Variants in ADARB2 observed in about 807,000 individuals in gnomAD.
ADARB2 encodes inactive double-stranded RNA-specific editase B2.
In ADARB2, 25 loss-of-function variants were observed where a neutral mutation model predicts 62.2. That is an observed-to-expected ratio of 0.40 (90% CI 0.29 to 0.56). The LOEUF is 0.56. ADARB2 is among the 20% of genes least tolerant of loss of function. ADARB2 has a pLI of 0.43. For missense variants in ADARB2, 1,071 were observed against 1,077.4 expected, an observed-to-expected ratio of 0.99 and a Z score of 0.08; for synonymous variants, 572 against 500.8, an observed-to-expected ratio of 1.14 and a Z score of -1.90.
intron 1 of ADARB2, among the ~76,000 whole-genome samples, chr10:1,710,744 G>A (rs2119151396): frequency 6.6e-6 from 1 of 152,348 alleles, no homozygotes; most frequent in South Asian, 2.1e-4. Context: ...GGCTCTTGCA[G>A]CCTCTCAGCT....
At chr10:1,695,530 A>G (rs564098937) in intron 1 of ADARB2, among the ~76,000 whole-genome samples, 68 of 152,316 alleles carry the variant, frequency 4.5e-4, no homozygotes, top group African/African-American at 1.5e-3. Context: ...TGAGAGTGCT[A>G]TGGAGATAAA....
intron 3 of ADARB2, among the ~76,000 whole-genome samples, chr10:1,354,874 G>A (rs1056403292): frequency 6.6e-6 from 1 of 152,192 alleles, no homozygotes; most frequent in Non-Finnish European, 1.5e-5. Context: ...GAGGCTGTAG[G>A]CTCTCTGCTT....
At chr10:1,682,491 C>T (rs371028694) in intron 1 of ADARB2, among the ~76,000 whole-genome samples, 28 of 152,308 alleles carry the variant, frequency 1.8e-4, no homozygotes, top group African/African-American at 5.3e-4. Context: ...ACCAGAGACC[C>T]GAAAGGACCA....
intron 4 of ADARB2, among the ~76,000 whole-genome samples, chr10:1,254,243 G>T (rs1365344085): frequency 6.6e-6 from 1 of 152,174 alleles, no homozygotes; most frequent in East Asian, 1.9e-4. Flanking sequence ...GGTTACTGGT[G>T]TAGAACTCCA....
chr10:1,351,282 TCA>T (rs1832135381), intron 3 of ADARB2, among the ~76,000 whole-genome samples: 1 of 152,146 alleles, frequency 6.6e-6, no homozygotes, highest in African/African-American at 2.4e-5. Flanking sequence ...TTCGGGTAAC[TCA>T]CAGTGGAAGG....
chr10:1,634,233 C>T (rs1290369395), intron 1 of ADARB2, among the ~76,000 whole-genome samples: 1 of 152,222 alleles, frequency 6.6e-6, no homozygotes, highest in Non-Finnish European at 1.5e-5. Flanking sequence ...TGGCCCAAGA[C>T]CTAACCCATC....
At chr10:1,390,458 C>T (rs117244370) in intron 1 of ADARB2, among the ~76,000 whole-genome samples, 2,800 of 152,148 alleles carry the variant, frequency 0.018, 38 homozygotes, top group Middle Eastern at 0.037. Flanking sequence ...AATTATACTT[C>T]CATTATTAAA....
chr10:1,290,518 A>T (rs912109034), intron 3 of ADARB2: 2 of 152,406 alleles, frequency 1.3e-5, no homozygotes, highest in East Asian at 3.9e-4. Context: ...GCTTGGAATG[A>T]AATCCCTATC....
intron 1 of ADARB2, among the ~76,000 whole-genome samples, chr10:1,544,030 C>T (rs1166784601): frequency 7.7e-6 from 1 of 129,700 alleles, no homozygotes; most frequent in Non-Finnish European, 1.7e-5. Context: ...AAAAAAAAAA[C>T]ACACAAAATG....
rs1236365405 is a variant in ADARB2, at chr10:1,706,134, T to C, written c.100+30917A>G. ...TGCTTTTATCAGAGAGCAGAGAATG[T>C]ACAGAATCAGCTGTGTGCTCAAATT... is the stretch of plus-strand genomic sequence containing the variant. On this transcript the variant is annotated intron_variant, in intron 1 of 9. Transcript: ENST00000381312. Among the ~76,000 whole-genome samples, 3 of 152,348 alleles carry C rather than the reference T, an allele frequency of 2.0e-5. No individual in the cohort carries two copies. In the East Asian group the frequency reaches 5.8e-4, roughly 29 times the overall value.
intron 8 of ADARB2, among the ~76,000 whole-genome samples, chr10:1,196,433 G>A (rs1449137077): frequency 1.3e-5 from 2 of 151,982 alleles, no homozygotes; most frequent in African/African-American, 4.8e-5. Flanking sequence ...TACATTTAAT[G>A]TATTGACAAT....
rs546651997 is a variant in ADARB2, at chr10:1,464,866, C to T, written c.101-85706G>A. On this transcript the variant is annotated intron_variant, in intron 1 of 9. Coordinates refer to ENST00000381312, the MANE Select transcript of ADARB2 (RefSeq NM_018702.4). ...CTGGAGAAGAGGGTGGACACACACTCGGCGGAGGCCCCGGTGACACCAGCC... is the reference window on the plus strand; with the variant it reads ...CTGGAGAAGAGGGTGGACACACACTTGGCGGAGGCCCCGGTGACACCAGCC... Among the ~76,000 whole-genome samples the T allele has an allele frequency of 7.2e-5, 11 of 152,362 alleles. No homozygotes were observed. The East Asian group carries it at 1.3e-3, about 19-fold the overall frequency.
chr10:1,588,886 G>C (rs1308243996), intron 1 of ADARB2, among the ~76,000 whole-genome samples: 1 of 152,184 alleles, frequency 6.6e-6, no homozygotes, highest in African/African-American at 2.4e-5. Context: ...CCGATGCTTG[G>C]AGGAGTCGGC....
chr10:1,609,545 C>G (rs1284027295), intron 1 of ADARB2, among the ~76,000 whole-genome samples: 1 of 152,260 alleles, frequency 6.6e-6, no homozygotes, highest in African/African-American at 2.4e-5. Context: ...TATGAGAAAC[C>G]TTCGGTCCTA....
chr10:1,561,022 G>A (rs1026267342), intron 1 of ADARB2, among the ~76,000 whole-genome samples: 5 of 152,150 alleles, frequency 3.3e-5, no homozygotes, highest in African/African-American at 7.2e-5. Context: ...CAACAGAAAC[G>A]TAACGTGAGC....
chr10:1,592,165 T>C (rs1438015118), intron 1 of ADARB2, among the ~76,000 whole-genome samples: 2 of 152,208 alleles, frequency 1.3e-5, no homozygotes, highest in Non-Finnish European at 2.9e-5. Flanking sequence ...TAAAATGCTT[T>C]TGATGACAAT....
At chr10:1,721,041 C>T (rs1336038601) in intron 1 of ADARB2, among the ~76,000 whole-genome samples, 1 of 152,160 alleles carries the variant, frequency 6.6e-6, no homozygotes, top group African/African-American at 2.4e-5. Context: ...AGGAAGAATA[C>T]AGTTAACATA....
At chr10:1,526,944 T>C (rs755304486) in intron 1 of ADARB2, 2 of 378,746 alleles carry the variant, frequency 5.3e-6, no homozygotes, top group African/African-American at 4.3e-5. Context: ...AATTTGCATT[T>C]GTTAATAATT....
intron 1 of ADARB2, among the ~76,000 whole-genome samples, chr10:1,412,815 C>A (rs144220990): frequency 6.6e-5 from 10 of 152,350 alleles, no homozygotes; most frequent in African/African-American, 2.4e-4. Flanking sequence ...ATTTTCTCCT[C>A]TTTACTATAA....
Sources: gnomAD v4.1 joint callset for allele counts (sites outside exome capture counted in the v4.1 genomes callset) on GRCh38, gnomAD v4.1.1 for gene constraint, MANE v1.5 for transcripts, NCBI Gene and HGNC (gene_info 2026-07-23, HGNC 2026-07-21) for gene names.